The following TEX9 variants were observed in gnomAD, a reference collection of about 807,000 sequenced individuals.
TEX9 encodes the protein testis-expressed protein 9.
In TEX9, 74 loss-of-function variants were observed where a neutral mutation model predicts 59.6. That is an observed-to-expected ratio of 1.24 (90% CI 1.03 to 1.51). The LOEUF (loss-of-function observed/expected upper bound fraction) is 1.51, where lower values mean the gene tolerates loss of function less well. Ranked by LOEUF, TEX9 falls within the 40% of genes most tolerant of loss-of-function variation. The pLI is 0.00. For synonymous variants in TEX9, 186 were observed against 152.2 expected, an observed-to-expected ratio of 1.22 and a Z score of -1.64; for missense variants, 522 against 447.8, an observed-to-expected ratio of 1.17 and a Z score of -1.49.
At chr15:56,401,703 T>G (rs892382831) in intron 9 of TEX9, among the ~76,000 whole-genome samples, 1 of 152,190 alleles carries the variant, frequency 6.6e-6, no homozygotes, top group African/African-American at 2.4e-5. Context: ...ACATCACACT[T>G]ATTCTAAAAT....
chr15:56,299,420 C>T (rs2045290029), intron 1 of TEX9, among the ~76,000 whole-genome samples: 1 of 152,212 alleles, frequency 6.6e-6, no homozygotes, highest in Non-Finnish European at 1.5e-5. Flanking sequence ...GGCTAAAACA[C>T]TCAGGGTCCC....
chr15:56,431,467 T>C lies in TEX9; in HGVS notation c.*29+2994T>C, dbSNP rs372950474. 8.7e-6 allele frequency: 14 copies of C among 1,613,482 alleles called. No individual in the cohort carries two copies. The African/African-American group carries it at 1.9e-4, about 22-fold the overall frequency. On this transcript the variant is annotated intron_variant, in intron 12 of 12. Transcript: ENST00000352903. The stretch of plus-strand genomic sequence containing the variant: ...TGCATTAATAAATCCTTGCCGCCTT[T>C]GCTGCAACTGCCACTCTTCTAGTTC...
intron 9 of TEX9, among the ~76,000 whole-genome samples, chr15:56,405,235 G>A (rs2049017841): frequency 1.3e-5 from 2 of 151,772 alleles, no homozygotes; most frequent in African/African-American, 4.8e-5. Flanking sequence ...CGTGAAACCG[G>A]GAGGGAGCTT....
At chr15:56,258,595 T>G (rs1451377644) in intron 1 of TEX9, among the ~76,000 whole-genome samples, 1 of 151,948 alleles carries the variant, frequency 6.6e-6, no homozygotes, top group Non-Finnish European at 1.5e-5. Flanking sequence ...CTTGCCTGTT[T>G]TTGGTGTTTA....
At chr15:56,298,213 A>G (rs1469717034) in intron 1 of TEX9, among the ~76,000 whole-genome samples, 2 of 152,216 alleles carry the variant, frequency 1.3e-5, no homozygotes, top group Non-Finnish European at 2.9e-5. Context: ...TTTCTAGACC[A>G]CTTCTATCAA....
chr15:56,254,698 GAA>G (rs1253851827), intron 1 of TEX9, among the ~76,000 whole-genome samples: 1 of 151,400 alleles, frequency 6.6e-6, no homozygotes, highest in Non-Finnish European at 1.5e-5. Context: ...AATACCTAAC[GAA>G]AGAGAGTTTA....
intron 1 of TEX9, among the ~76,000 whole-genome samples, chr15:56,340,720 C>CTCAT (rs2046356784): frequency 6.6e-6 from 1 of 152,154 alleles, no homozygotes; most frequent in African/African-American, 2.4e-5. Context: ...TCATTTGTAG[C>CTCAT]TCATCCATTT....
intron 2 of TEX9, chr15:56,365,953 T>G: frequency 8.4e-7 from 1 of 1,196,032 alleles, no homozygotes; most frequent in South Asian, 2.0e-5. Flanking sequence ...CTGTTGGAAG[T>G]TATTTGGGTA....
chr15:56,368,744 C>T (rs1314418734), intron 2 of TEX9, among the ~76,000 whole-genome samples: 1 of 152,068 alleles, frequency 6.6e-6, no homozygotes, highest in African/African-American at 2.4e-5. Flanking sequence ...TATCCATAAC[C>T]ATGTACACCC....
downstream of TEX9, among the ~76,000 whole-genome samples, chr15:56,450,334 T>C (rs994524305): frequency 6.6e-5 from 10 of 152,226 alleles, no homozygotes; most frequent in African/African-American, 2.4e-4. Context: ...ACATTCACAG[T>C]GTTCTGCAAC....
the TEX9 span, among the ~76,000 whole-genome samples, chr15:56,451,269 C>G: frequency 2.0e-5 from 3 of 152,196 alleles, no homozygotes; most frequent in Non-Finnish European, 2.9e-5. Context: ...AAGATCTGCT[C>G]TGCTCCTCCT....
At chr15:56,355,494 C>T (rs1462994756) in intron 1 of TEX9, among the ~76,000 whole-genome samples, 3 of 152,110 alleles carry the variant, frequency 2.0e-5, no homozygotes, top group African/African-American at 7.2e-5. Context: ...CATTTTTTAT[C>T]AGCACTAAAC....
downstream of TEX9, chr15:56,446,758 C>T (rs1238727986): frequency 3.0e-6 from 3 of 1,007,370 alleles, no homozygotes; most frequent in Admixed American, 2.2e-5. Context: ...ATTCTTTATA[C>T]AATATGACAA....
chr15:56,417,933 A>T (rs955868768), intron 10 of TEX9, among the ~76,000 whole-genome samples: 2 of 151,858 alleles, frequency 1.3e-5, no homozygotes, highest in African/African-American at 4.9e-5. Flanking sequence ...CCATTCTGTA[A>T]TGCCTTTCTT....
At chr15:56,443,610 A>G (rs1271701848) in intron 12 of TEX9, 2 of 1,593,844 alleles carry the variant, frequency 1.3e-6, no homozygotes, top group South Asian at 1.2e-5. Flanking sequence ...GAATTTTACT[A>G]GTGTTAAAGA....
intron 1 of TEX9, among the ~76,000 whole-genome samples, chr15:56,337,598 C>T (rs2046280720): frequency 6.6e-6 from 1 of 152,190 alleles, no homozygotes; most frequent in Non-Finnish European, 1.5e-5. Context: ...GGGAAGACCC[C>T]TTCCTTCTTA....
At chr15:56,459,112 C>A in the TEX9 span, among the ~76,000 whole-genome samples, 397 of 152,270 alleles carry the variant, frequency 2.6e-3, 3 homozygotes, top group African/African-American at 9.1e-3. Flanking sequence ...ACTTACTATT[C>A]CTCTCACCTT....
At chr15:56,354,985 T>G (rs1457943361) in intron 1 of TEX9, among the ~76,000 whole-genome samples, 1 of 152,186 alleles carries the variant, frequency 6.6e-6, no homozygotes, top group Admixed American at 6.5e-5. Context: ...TTACATACAA[T>G]AAAATTTACC....
chr15:56,353,398 A>G (rs1178119905), intron 1 of TEX9, among the ~76,000 whole-genome samples: 3 of 152,192 alleles, frequency 2.0e-5, no homozygotes, highest in Non-Finnish European at 4.4e-5. Flanking sequence ...TTACAAAACC[A>G]CAATTTCTGA....
Sources: gnomAD v4.1 joint callset for allele counts (sites outside exome capture counted in the v4.1 genomes callset) on GRCh38, gnomAD v4.1.1 for gene constraint, MANE v1.5 for transcripts, NCBI Gene and HGNC (gene_info 2026-07-23, HGNC 2026-07-21) for gene names.